C6orf163: variants seen among roughly 807,000 people sequenced by gnomAD.
C6orf163 encodes uncharacterized protein C6orf163.
A neutral mutation model predicts 28.4 loss-of-function variants in C6orf163; 22 were observed. That is an observed-to-expected ratio of 0.78 (90% CI 0.55 to 1.11). The LOEUF (loss-of-function observed/expected upper bound fraction) is 1.11. Among genes scored for constraint, C6orf163 ranks in the 50% least tolerant of loss-of-function variants. The pLI is 0.00. For synonymous variants in C6orf163, 110 were observed against 123.6 expected, an observed-to-expected ratio of 0.89 and a Z score of 0.73; for missense variants, 342 against 389.1, an observed-to-expected ratio of 0.88 and a Z score of 1.02.
At chr6:87,351,321 T>C (rs242265) in intron 3 of C6orf163, among the ~76,000 whole-genome samples, 84,403 of 152,120 alleles carry the variant, frequency 0.55, 23,753 homozygotes, top group Non-Finnish European at 0.6. Flanking sequence ...CCAGGTTTGG[T>C]CTAACTTAGG....
chr6:87,345,916 C>CAAAAAAAA (rs3044136), intron 1 of C6orf163, among the ~76,000 whole-genome samples: 644 of 44,588 alleles, frequency 0.014, 59 homozygotes, highest in African/African-American at 0.044. Flanking sequence ...GACTCTGCCT[C>CAAAAAAAA]AAAAAAAAAA....
intron 3 of C6orf163, among the ~76,000 whole-genome samples, chr6:87,354,372 A>G (rs1345784286): frequency 6.6e-6 from 1 of 152,236 alleles, no homozygotes; most frequent in Non-Finnish European, 1.5e-5. Flanking sequence ...TTTATGACAG[A>G]TACAAGGGGC....
chr6:87,364,446 C>T (rs777084012), intron 4 of C6orf163, among the ~76,000 whole-genome samples: 2 of 151,956 alleles, frequency 1.3e-5, no homozygotes, highest in Admixed American at 1.3e-4. Context: ...TCTTTGGCTT[C>T]CTCGATAATT....
Position 87,345,199 on chromosome 6 carries a change from G to A in C6orf163, c.100G>A (p.Glu34Lys), listed in dbSNP as rs1250369129. 9 of 1,536,684 alleles carry A rather than the reference G, an allele frequency of 5.9e-6. No homozygotes were observed. The highest frequency in any genetic ancestry group is 1.7e-4 in the Middle Eastern group (1 of 5,986). Residue 34 changes from glutamate to lysine, a missense_variant, in exon 1 of 5, where the codon GAA becomes AAA. Glu to Lys is a moderately conservative substitution (Grantham distance 56). Transcript: ENST00000388923. ...PFGKTFKRIH[E>K]YKPLKTRFYT... ...TGGAAAAACCTTCAAACGGATCCAT[G>A]AATACAAGCCACTTAAGACACGCTT...
intron 3 of C6orf163, among the ~76,000 whole-genome samples, chr6:87,352,241 A>T (rs1777426660): frequency 6.6e-6 from 1 of 152,218 alleles, no homozygotes; most frequent in Non-Finnish European, 1.5e-5. Flanking sequence ...ACCAAGATAC[A>T]GACATCAGTA....
At chr6:87,363,051 A>G (rs1444367531) in intron 4 of C6orf163, among the ~76,000 whole-genome samples, 1 of 152,170 alleles carries the variant, frequency 6.6e-6, no homozygotes, top group Non-Finnish European at 1.5e-5. Flanking sequence ...CCTGAGCTCA[A>G]TGTCTTCTTC....
At chr6:87,348,270 T>G in intron 1 of C6orf163, 3 of 984,750 alleles carry the variant, frequency 3.0e-6, no homozygotes, top group Non-Finnish European at 3.6e-6. Flanking sequence ...ATTATGGGAA[T>G]GTTATTATTT....
intron 4 of C6orf163, among the ~76,000 whole-genome samples, chr6:87,364,295 A>G (rs1274622414): frequency 6.6e-6 from 1 of 151,858 alleles, no homozygotes; most frequent in African/African-American, 2.4e-5. Context: ...AAAAAAAGTT[A>G]AATTATACCA....
chr6:87,357,431 A>G (rs1777521431), intron 4 of C6orf163: 1 of 152,174 alleles, frequency 6.6e-6, no homozygotes. Flanking sequence ...TTGAGTTAAC[A>G]AACAGATACA....
chr6:87,350,933 G>T (rs556668111), intron 3 of C6orf163, among the ~76,000 whole-genome samples: 2 of 152,220 alleles, frequency 1.3e-5, no homozygotes, highest in Non-Finnish European at 2.9e-5. Flanking sequence ...CTTAGTAGGT[G>T]CTCAAATAGT....
At chr6:87,361,316 A>G (rs1777577990) in intron 4 of C6orf163, among the ~76,000 whole-genome samples, 1 of 152,022 alleles carries the variant, frequency 6.6e-6, no homozygotes, top group African/African-American at 2.4e-5. Context: ...GAAAAGTTGG[A>G]AAGATTTTTT....
rs1777300987 is a variant in C6orf163 at position 87,344,929 on chromosome 6, A to G, written c.-171A>G. 4 of 550,340 alleles carry G rather than the reference A, an allele frequency of 7.3e-6. No homozygotes were observed. The highest frequency in any genetic ancestry group is 1.3e-5 in the Non-Finnish European group (4 of 318,656). The allele number at this position is 550,340 out of a possible 1,614,324, so 34.1% of individuals were successfully genotyped here. A position where few individuals can be genotyped will look rare whatever the true frequency, so the allele number is the denominator to read the frequency against. ...AGCACCATTCTTTAACGTTAGACACATAACCACAGCCTAATCACTTGAACC... is the reference window on the plus strand; with the variant it reads ...AGCACCATTCTTTAACGTTAGACACGTAACCACAGCCTAATCACTTGAACC... On this transcript the variant is annotated 5_prime_UTR_variant, in exon 1 of 5. Coordinates refer to ENST00000388923, the MANE Select transcript of C6orf163 (RefSeq NM_001010868.3).
In C6orf163 at chr6:87,347,314, T is replaced by A. The variant is rs920477588; in HGVS notation, c.149-1498T>A. ...AATAGTTTGTTCCTTTTACAGTATG[T>A]GCATTTTTAAAAAAAGCTTTGCAGG... On this transcript the variant is annotated intron_variant, in intron 1 of 4. Coordinates refer to ENST00000388923, the MANE Select transcript of C6orf163 (RefSeq NM_001010868.3). 1.4e-5 allele frequency: 11 copies of A among 777,576 alleles called. No individual in the cohort carries two copies. The South Asian group carries it at 5.8e-4, about 41-fold the overall frequency. The allele number at this position is 777,576 out of a possible 1,614,324, so 48.2% of individuals were successfully genotyped here. A position where few individuals can be genotyped will look rare whatever the true frequency, so the allele number is the denominator to read the frequency against.
chr6:87,358,587 A>G (rs1582109727), intron 4 of C6orf163: 1 of 147,610 alleles, frequency 6.8e-6, no homozygotes. Context: ...AGCCTGGGCG[A>G]CAGAGCGAGA....
At chr6:87,350,564 G>A in intron 3 of C6orf163, 63 bp downstream of exon 3, 1 of 943,010 alleles carries the variant, frequency 1.1e-6, no homozygotes, top group Non-Finnish European at 1.6e-6. Context: ...AGAAAAGTTG[G>A]CAAGGGAATG....
rs1429423978 is a variant in C6orf163 at position 87,345,235 on chromosome 6, A to G, written c.136A>G (p.Lys46Glu). 2 of 1,528,024 alleles carry G rather than the reference A, an allele frequency of 1.3e-6. No individual in the cohort carries two copies. The highest frequency in any genetic ancestry group is 1.2e-5 in the South Asian group (1 of 81,640). The allele number at this position is 1,528,024 out of a possible 1,614,324, so 94.7% of individuals were successfully genotyped here. A position where few individuals can be genotyped will look rare whatever the true frequency, so the allele number is the denominator to read the frequency against. Reference protein sequence around the residue: ...KPLKTRFYTHKDILDIGANIL... With the variant: ...KPLKTRFYTHEDILDIGANIL... ...ACTTAAGACACGCTTTTACACTCACAAAGACATACTAGGTAAGTGACTTTA... is the reference window on the plus strand; with the variant it reads ...ACTTAAGACACGCTTTTACACTCACGAAGACATACTAGGTAAGTGACTTTA... Residue 46 changes from lysine (K) to glutamate (E), a missense_variant, in exon 1 of 5, where the codon AAA becomes GAA. Lys to Glu is a moderately conservative substitution (Grantham distance 56). Transcript: ENST00000388923.
At chr6:87,347,383 A>G (rs2127929694) in intron 1 of C6orf163, 2 of 985,020 alleles carry the variant, frequency 2.0e-6, no homozygotes, top group South Asian at 4.7e-5. Flanking sequence ...AATAAAACCA[A>G]TGGGATTTAA....
chr6:87,355,524 G>GC (rs1363603333), intron 3 of C6orf163, among the ~76,000 whole-genome samples: 1 of 151,982 alleles, frequency 6.6e-6, no homozygotes, highest in African/African-American at 2.4e-5. Context: ...TTGTGCCATT[G>GC]CCCCCCAGCC....
At chr6:87,352,040 T>C (rs975818792) in intron 3 of C6orf163, among the ~76,000 whole-genome samples, 8 of 152,210 alleles carry the variant, frequency 5.3e-5, no homozygotes, top group African/African-American at 1.9e-4. Flanking sequence ...GGAGTTGAGG[T>C]ACTTAGTGCA....
Sources: gnomAD v4.1 joint callset for allele counts (sites outside exome capture counted in the v4.1 genomes callset) on GRCh38, gnomAD v4.1.1 for gene constraint, MANE v1.5 for transcripts, NCBI Gene and HGNC (gene_info 2026-07-23, HGNC 2026-07-21) for gene names.